Variants in ZNF578 observed in about 807,000 individuals in gnomAD.
The protein encoded by ZNF578 is Putative chemokine-related protein B42.
A neutral mutation model predicts 8.3 loss-of-function variants in ZNF578; 8 were observed. That is an observed-to-expected ratio of 0.96 (90% CI 0.56 to 1.74). The LOEUF (loss-of-function observed/expected upper bound fraction) is 1.74, where lower values mean the gene tolerates loss of function less well. ZNF578 is among the 40% of genes most tolerant of loss of function. The pLI is 0.00. For synonymous variants in ZNF578, 206 were observed against 232.2 expected (o/e 0.89, Z 1.03); for missense variants, 726 against 707.5 (o/e 1.03, Z -0.30).
At chr19:52,492,492 G>C (rs1319193393) in intron 3 of ZNF578, among the ~76,000 whole-genome samples, 1 of 152,192 alleles carries the variant, frequency 6.6e-6, no homozygotes, top group African/African-American at 2.4e-5. Context: ...GAGGATTTCT[G>C]TTCTGTTCTG....
Position 52,511,956 on chromosome 19 carries a change from C to T in ZNF578, c.1575C>T (p.His525=). The T allele has an allele frequency of 6.2e-7, 1 of 1,613,938 alleles. No individual in the cohort carries two copies. Among genetic ancestry groups the T allele is most frequent in the Non-Finnish European group, 8.5e-7 (1 of 1,179,972 alleles). ...GGAAGACTTTTAATGTACAGTCACA[C>T]CTTTCACGTCATCATAGACTTCATA... ...ECGKTFNVQS[H]LSRHHRLHTG... Residue 525 remains histidine (H), a synonymous_variant, in exon 6 of 6, where the codon CAC becomes CAT. Coordinates refer to ENST00000421239, the MANE Select transcript of ZNF578 (RefSeq NM_001099694.2).
chr19:52,516,301 T>G lies in ZNF578; in HGVS notation c.*4147T>G, dbSNP rs2059475570. Among the ~76,000 whole-genome samples the G allele has an allele frequency of 6.6e-6, 1 of 152,142 alleles. No homozygotes were observed. Reference sequence around the variant, plus strand: ...TGAGCCACTGCAACCAGCCTCTGCATGGGGTTTCCTCAACTTTAGGTCTGT... The same window carrying G: ...TGAGCCACTGCAACCAGCCTCTGCAGGGGGTTTCCTCAACTTTAGGTCTGT... On this transcript the variant is annotated 3_prime_UTR_variant, in exon 6 of 6. Transcript: ENST00000421239.
chr19:52,483,074 A>G (rs2059332683), intron 2 of ZNF578, among the ~76,000 whole-genome samples: 1 of 152,064 alleles, frequency 6.6e-6, no homozygotes. Context: ...GGTCTCAAAA[A>G]ACAGAAAAAG....
At chr19:52,483,299 C>T (rs547716753) in intron 2 of ZNF578, among the ~76,000 whole-genome samples, 2 of 152,230 alleles carry the variant, frequency 1.3e-5, no homozygotes, top group Non-Finnish European at 2.9e-5. Flanking sequence ...CCTGTAATCC[C>T]AGCAACTCAG....
At chr19:52,455,709 A>G (rs1272004703) in intron 1 of ZNF578, 1 of 152,210 alleles carries the variant, frequency 6.6e-6, no homozygotes, top group African/African-American at 2.4e-5. Flanking sequence ...CCCATCTCAG[A>G]TAAGGGTGAC....
chr19:52,507,856 C>T (rs2059430783), intron 5 of ZNF578, among the ~76,000 whole-genome samples: 2 of 151,526 alleles, frequency 1.3e-5, no homozygotes, highest in African/African-American at 4.9e-5. Flanking sequence ...TTGAGACCAG[C>T]CTGACCAACA....
chr19:52,514,646 G>A lies in ZNF578; in HGVS notation c.*2492G>A, dbSNP rs1487033402. Among the ~76,000 whole-genome samples the A allele has an allele frequency of 1.3e-5, 2 of 152,100 alleles. No individual in the cohort carries two copies. The highest frequency in any genetic ancestry group is 3.8e-4 in the East Asian group (2 of 5,200). On this transcript the variant is annotated 3_prime_UTR_variant, in exon 6 of 6. Coordinates refer to ENST00000421239, the MANE Select transcript of ZNF578 (RefSeq NM_001099694.2). ...ATGGGCTGGAGTGGCATAGAGCGCT[G>A]CTCCAAAAGCACCCATGTATTCTTT...
chr19:52,494,366 G>T (rs1485965817), intron 3 of ZNF578, among the ~76,000 whole-genome samples: 1 of 152,132 alleles, frequency 6.6e-6, no homozygotes. Flanking sequence ...GCATGATAGT[G>T]TAGACCTGTA....
intron 5 of ZNF578, among the ~76,000 whole-genome samples, chr19:52,508,965 G>A (rs908704914): frequency 7.8e-5 from 10 of 127,462 alleles, no homozygotes; most frequent in African/African-American, 2.7e-4. Context: ...GCAATGGCAC[G>A]ATCTCGGCTC....
intron 4 of ZNF578, among the ~76,000 whole-genome samples, chr19:52,503,505 C>T (rs1488036518): frequency 2.0e-5 from 3 of 152,262 alleles, no homozygotes; most frequent in Admixed American, 2.0e-4. Flanking sequence ...GCTGTCACGC[C>T]TGGCTAAGTT....
chr19:52,505,711 A>C (rs545899265), intron 5 of ZNF578, among the ~76,000 whole-genome samples: 2 of 152,306 alleles, frequency 1.3e-5, no homozygotes, highest in Admixed American at 1.3e-4. Context: ...GGCGTGAGCC[A>C]CTGCGCCTGG....
At chr19:52,476,108 A>T (rs2562025) in intron 2 of ZNF578, among the ~76,000 whole-genome samples, 6,746 of 111,426 alleles carry the variant, frequency 0.061, 483 homozygotes, top group African/African-American at 0.23. Flanking sequence ...AGGGTATAGT[A>T]AAAAAAAAAA....
intron 2 of ZNF578, among the ~76,000 whole-genome samples, chr19:52,475,578 C>T (rs1336707856): frequency 2.6e-5 from 4 of 152,186 alleles, no homozygotes; most frequent in South Asian, 2.1e-4. Flanking sequence ...AGGCTGGTCT[C>T]GAACCTCTGA....
chr19:52,511,057 A>G lies in ZNF578; in HGVS notation c.676A>G (p.Met226Val), dbSNP rs1364057531. ...ACTCACACAAAAACAGGAAGTACAC[A>G]TGAGAGAAAAATCTTTCCAATGTAA... ...SLLTQKQEVH[M>V]REKSFQCNET... is the part of the protein sequence containing the mutation. Residue 226 changes from methionine to valine, a missense_variant, in exon 6 of 6, where the codon ATG (methionine) becomes GTG (valine). Coordinates refer to ENST00000421239, the MANE Select transcript of ZNF578 (RefSeq NM_001099694.2). 1.2e-6 allele frequency: 2 copies of G among 1,614,204 alleles called. No individual in the cohort carries two copies. The highest frequency in any genetic ancestry group is 1.3e-5 in the African/African-American group (1 of 75,068).
intron 2 of ZNF578, among the ~76,000 whole-genome samples, chr19:52,488,140 G>C (rs1362424424): frequency 6.6e-6 from 1 of 151,634 alleles, no homozygotes; most frequent in Non-Finnish European, 1.5e-5. Context: ...TAGTAGAGAC[G>C]AGGTTTCATC....
intron 2 of ZNF578, chr19:52,473,773 G>C: frequency 3.2e-6 from 1 of 313,380 alleles, no homozygotes; most frequent in Non-Finnish European, 5.9e-6. Flanking sequence ...GGGCAGTGAG[G>C]CTTGAATGCC....
chr19:52,456,044 G>A (rs756579891), intron 1 of ZNF578: 2 of 152,114 alleles, frequency 1.3e-5, no homozygotes, highest in Admixed American at 6.6e-5. Context: ...CCTTCACCTG[G>A]GCTGTCCCTC....
chr19:52,493,342 G>C (rs567577159), intron 3 of ZNF578, among the ~76,000 whole-genome samples: 14 of 152,088 alleles, frequency 9.2e-5, no homozygotes, highest in Non-Finnish European at 1.6e-4. Context: ...TGCTGCTCCC[G>C]TAGTCTTCCC....
chr19:52,457,342 G>A (rs1296305669), intron 2 of ZNF578: 1 of 152,238 alleles, frequency 6.6e-6, no homozygotes, highest in East Asian at 1.9e-4. Context: ...AAGCCCAGGG[G>A]CGTCATGGAA....
Sources: allele counts gnomAD v4.1 joint callset (sites outside exome capture counted in the v4.1 genomes callset), GRCh38; gene constraint gnomAD v4.1.1; transcripts MANE v1.5; gene names NCBI Gene and HGNC (gene_info 2026-07-23, HGNC 2026-07-21).